Variants in DCDC2 observed in about 807,000 individuals in gnomAD.
DCDC2 encodes doublecortin domain-containing protein 2.
In DCDC2, 40 loss-of-function variants were observed where a neutral mutation model predicts 50.2. The observed-to-expected ratio is 0.80, with a 90% CI of 0.62 to 1.04. The LOEUF is 1.04. DCDC2 is among the 50% of genes least tolerant of loss of function. The probability of loss-of-function intolerance (pLI) is 0.00; values close to 1 mark genes in which losing one functional copy is unlikely to be tolerated. For missense variants in DCDC2, 570 were observed against 581.9 expected (o/e 0.98, Z 0.21); for synonymous variants, 234 against 210.6 (o/e 1.11, Z -0.96).
At chr6:24,276,390 T>C (rs114766578) in intron 7 of DCDC2, among the ~76,000 whole-genome samples, 3,837 of 137,542 alleles carry the variant, frequency 0.028, 89 homozygotes, top group African/African-American at 0.059. Flanking sequence ...AAGAAGCAAA[T>C]AACATCTTAT....
At chr6:24,233,771 A>T (rs553310733) in intron 7 of DCDC2, among the ~76,000 whole-genome samples, 1 of 152,250 alleles carries the variant, frequency 6.6e-6, no homozygotes. Context: ...AACATCAAAC[A>T]TATATAATAT....
At chr6:24,359,494 TTA>T (rs1561789726), upstream of DCDC2, among the ~76,000 whole-genome samples, 9 of 94,898 alleles carry the variant, frequency 9.5e-5, no homozygotes, top group African/African-American at 1.3e-4. Flanking sequence ...ATATAATATA[TTA>T]TATATATTTT....
intron 2 of DCDC2, among the ~76,000 whole-genome samples, chr6:24,311,065 A>T (rs867281509): frequency 1.3e-5 from 2 of 152,096 alleles, no homozygotes; most frequent in African/African-American, 4.8e-5. Context: ...CACAGACCCA[A>T]ACATGTGATG....
chr6:24,323,588 A>G (rs1759808355), intron 2 of DCDC2, among the ~76,000 whole-genome samples: 1 of 152,224 alleles, frequency 6.6e-6, no homozygotes, highest in South Asian at 2.1e-4. Context: ...GAAAAGTTCA[A>G]TGAATATAAT....
chr6:24,200,341 G>A (rs1360741688), intron 8 of DCDC2, among the ~76,000 whole-genome samples: 3 of 152,164 alleles, frequency 2.0e-5, no homozygotes, highest in Non-Finnish European at 4.4e-5. Flanking sequence ...CCAGAAGAGT[G>A]GGGGCCAATA....
At chr6:24,335,627 C>A (rs1473314940) in intron 2 of DCDC2, among the ~76,000 whole-genome samples, 1 of 145,140 alleles carries the variant, frequency 6.9e-6, no homozygotes, top group African/African-American at 2.8e-5. Flanking sequence ...AAAGATACTA[C>A]CCAAAACTAG....
chr6:24,367,330 T>G, the DCDC2 span, among the ~76,000 whole-genome samples: 7 of 152,340 alleles, frequency 4.6e-5, no homozygotes, highest in African/African-American at 1.7e-4. Context: ...ACACAAGAGA[T>G]AGGCCTAGGG....
chr6:24,359,437 AC>A (rs1760612616), upstream of DCDC2, among the ~76,000 whole-genome samples: 10 of 46,414 alleles, frequency 2.2e-4, 1 homozygote, highest in African/African-American at 1.1e-3. Flanking sequence ...ATTTATATAT[AC>A]TATATAGTAT....
At position 24,358,037 on chromosome 6, in the gene DCDC2, C is replaced by A; in HGVS notation, c.-287G>T. 1 of 1,171,760 alleles carries A rather than the reference C, an allele frequency of 8.5e-7. No individual in the cohort carries two copies. Among genetic ancestry groups the A allele is most frequent in the Non-Finnish European group, 1.2e-6 (1 of 852,344 alleles). The allele number at this position is 1,171,760 out of a possible 1,614,324, so 72.6% of individuals were successfully genotyped here. On this transcript the variant is annotated 5_prime_UTR_variant, in exon 1 of 10. Coordinates refer to ENST00000378454, the MANE Select transcript of DCDC2 (RefSeq NM_016356.5). ...CCACACCAGGTTCACCTGCTACGGG[C>A]AGAATCAAGGTGGACAGCTTCTGAG...
At chr6:24,374,577 CAAAAAAAAAAAA>C in the DCDC2 span, among the ~76,000 whole-genome samples, 2 of 57,472 alleles carry the variant, frequency 3.5e-5, no homozygotes, top group Non-Finnish European at 5.8e-5. Flanking sequence ...AGACTCCATC[CAAAAAAAAAAAA>C]AAAAAAAAAA....
chr6:24,359,483 TATATA>T (rs1274481907), upstream of DCDC2, among the ~76,000 whole-genome samples: 130 of 7,184 alleles, frequency 0.018, no homozygotes, highest in South Asian at 0.16. Context: ...ATATATTTTA[TATATA>T]ATATATTATA....
intron 2 of DCDC2, among the ~76,000 whole-genome samples, chr6:24,305,159 A>T (rs887314962): frequency 2.0e-5 from 3 of 152,240 alleles, no homozygotes; most frequent in African/African-American, 7.2e-5. Context: ...TGAAATTCAT[A>T]AAAATACATG....
intron 2 of DCDC2, among the ~76,000 whole-genome samples, chr6:24,324,101 C>T (rs1351609518): frequency 2.6e-5 from 4 of 152,052 alleles, no homozygotes; most frequent in African/African-American, 9.7e-5. Flanking sequence ...ATTTGCATTC[C>T]CTAAGGGTAG....
At chr6:24,185,184 T>C (rs1198858423) in intron 8 of DCDC2, among the ~76,000 whole-genome samples, 1 of 152,180 alleles carries the variant, frequency 6.6e-6, no homozygotes, top group East Asian at 1.9e-4. Context: ...AAACGGCTGG[T>C]ATATACCCTA....
chr6:24,381,580 G>A, the DCDC2 span, among the ~76,000 whole-genome samples: 2 of 152,104 alleles, frequency 1.3e-5, no homozygotes, highest in African/African-American at 2.4e-5. Flanking sequence ...TTCTAATTGC[G>A]GCACAATTTA....
chr6:24,197,107 T>C (rs1761460985), intron 8 of DCDC2, among the ~76,000 whole-genome samples: 2 of 152,212 alleles, frequency 1.3e-5, no homozygotes, highest in African/African-American at 2.4e-5. Flanking sequence ...TTCAAGCACA[T>C]ACCAATTTGT....
At chr6:24,215,059 C>T (rs568071035) in intron 7 of DCDC2, among the ~76,000 whole-genome samples, 26 of 152,008 alleles carry the variant, frequency 1.7e-4, no homozygotes, top group African/African-American at 5.5e-4. Context: ...GCACAGAATA[C>T]GCATAGCATG....
intron 8 of DCDC2, among the ~76,000 whole-genome samples, chr6:24,196,850 T>C (rs1761454872): frequency 1.3e-5 from 2 of 152,226 alleles, no homozygotes; most frequent in Non-Finnish European, 2.9e-5. Flanking sequence ...CAGATCACCA[T>C]TGTGGGCTGT....
At chr6:24,180,657 G>A (rs75743298) in intron 8 of DCDC2, among the ~76,000 whole-genome samples, 1,819 of 151,988 alleles carry the variant, frequency 0.012, 18 homozygotes, top group East Asian at 0.024. Context: ...CCTCTTTCTA[G>A]CTACCTGACA....
Sources: allele counts gnomAD v4.1 joint callset (sites outside exome capture counted in the v4.1 genomes callset), GRCh38; gene constraint gnomAD v4.1.1; transcripts MANE v1.5; gene names NCBI Gene and HGNC (gene_info 2026-07-23, HGNC 2026-07-21).